Variants in C11orf21 observed in about 807,000 individuals in gnomAD.
C11orf21 encodes the protein uncharacterized protein C11orf21.
In C11orf21, 19 loss-of-function variants were observed where a neutral mutation model predicts 15.2. The observed-to-expected ratio is 1.25, with a 90% confidence interval of 0.87 to 1.84. The LOEUF (loss-of-function observed/expected upper bound fraction) is 1.84. Ranked by LOEUF, C11orf21 falls within the 40% of genes most tolerant of loss-of-function variation. C11orf21 has a pLI of 0.00. For synonymous variants in C11orf21, 62 were observed against 66.8 expected, an observed-to-expected ratio of 0.93 and a Z score of 0.35; for missense variants, 171 against 174.4, an observed-to-expected ratio of 0.98 and a Z score of 0.11.
At chr11:2,302,825 G>T (rs760451307), upstream of C11orf21, 1 of 1,607,386 alleles carries the variant, frequency 6.2e-7, no homozygotes, top group East Asian at 2.2e-5. Context: ...CCCACACTCT[G>T]AGTCTGCCCT....
chr11:2,299,846 G>A (rs1473733783), intron 2 of C11orf21, 139 bp from the exon 3 acceptor site: 28 of 442,408 alleles, frequency 6.3e-5, no homozygotes, highest in Admixed American at 4.0e-4. Context: ...ACGCATCCAC[G>A]CCTGCACACG....
intron 2 of C11orf21, 57 bp downstream of exon 2, chr11:2,300,463 T>C: frequency 3.6e-6 from 4 of 1,123,378 alleles, no homozygotes; most frequent in Non-Finnish European, 5.1e-6. Flanking sequence ...GGCGTGGGGG[T>C]TCCACCGGCT....
upstream of C11orf21, chr11:2,302,596 G>A: frequency 1.8e-6 from 1 of 567,190 alleles, no homozygotes. Context: ...CAGAGGTCCT[G>A]GGTGTCTGGG....
intron 1 of C11orf21, 76 bp from the exon 2 acceptor site, chr11:2,300,689 G>A (rs1847697642): frequency 6.5e-7 from 1 of 1,550,122 alleles, no homozygotes; most frequent in Non-Finnish European, 8.7e-7. Context: ...CAGACCTGAT[G>A]AAGAGGTGTC....
upstream of C11orf21, chr11:2,302,882 C>A: frequency 4.3e-6 from 7 of 1,613,682 alleles, no homozygotes; most frequent in Non-Finnish European, 5.9e-6. Context: ...TGACTCTTAC[C>A]TACTTCGGGG....
chr11:2,299,865 C>A (rs2521269), intron 2 of C11orf21, among the ~76,000 whole-genome samples, 158 bp from the exon 3 acceptor site: 87,490 of 143,402 alleles, frequency 0.61, 26,936 homozygotes, highest in African/African-American at 0.8. Context: ...CGCATCCATG[C>A]CTGCACATGC....
chr11:2,298,009 C>T (rs1435471478), intron 3 of C11orf21, 88 bp from the exon 4 acceptor site: 2 of 152,162 alleles, frequency 1.3e-5, no homozygotes, highest in Non-Finnish European at 2.9e-5. Context: ...GGACCAGGGA[C>T]CTTCATGTCC....
rs930313290 is a variant in C11orf21 at position 2,296,454 on chromosome 11, T to C, written c.*1496A>G. On this transcript the variant is annotated 3_prime_UTR_variant, in exon 4 of 4. Coordinates refer to ENST00000381153, the MANE Select transcript of C11orf21 (RefSeq NM_001329958.2). This position sits in a 1 kb window ranked among gnomAD's most constrained non-coding sequence, Gnocchi z 5.6. Reference sequence around the variant, plus strand: ...CTATTAGATCCGATGGGTGTTTGTGTCCCCAGGAGTGGGTGTCAGGTTAGA... The same window carrying C: ...CTATTAGATCCGATGGGTGTTTGTGCCCCCAGGAGTGGGTGTCAGGTTAGA... The C allele has an allele frequency of 2.0e-5, 3 of 152,162 alleles. No homozygotes were observed. The highest frequency in any genetic ancestry group is 4.4e-5 in the Non-Finnish European group (3 of 68,060). The allele number at this position is 152,162 out of a possible 1,614,324, so 9.4% of individuals were successfully genotyped here.
At chr11:2,302,061 G>T (rs375443053), upstream of C11orf21, 893 of 1,496,098 alleles carry the variant, frequency 6.0e-4, 2 homozygotes, top group Middle Eastern at 0.017. Context: ...CCTACCTCCT[G>T]GGCAGTGAGC....
At chr11:2,298,376 C>G (rs1847579910) in intron 3 of C11orf21, among the ~76,000 whole-genome samples, 1 of 152,158 alleles carries the variant, frequency 6.6e-6, no homozygotes. Context: ...GCTCACTGCC[C>G]CAGCTGGTCA....
intron 2 of C11orf21, among the ~76,000 whole-genome samples, chr11:2,300,042 C>A (rs1242106478): frequency 7.0e-6 from 1 of 143,464 alleles, no homozygotes; most frequent in South Asian, 2.3e-4. Flanking sequence ...GTCTTCCAGG[C>A]TCCCAGCGGC....
chr11:2,302,888 CG>C (rs750786852), upstream of C11orf21: 1 of 1,613,694 alleles, frequency 6.2e-7, no homozygotes, highest in Admixed American at 1.7e-5. Context: ...TTACCTACTT[CG>C]GGGCCCACTT....
At chr11:2,301,985 C>T, upstream of C11orf21, 2 of 1,491,662 alleles carry the variant, frequency 1.3e-6, no homozygotes, top group Non-Finnish European at 1.8e-6. Context: ...GCCTGCCCTT[C>T]TTCCGGGGCA....
intron 2 of C11orf21, 128 bp from the exon 3 acceptor site, chr11:2,299,835 C>T (rs1312649734): frequency 3.2e-5 from 15 of 474,020 alleles, no homozygotes; most frequent in Non-Finnish European, 4.9e-5. Flanking sequence ...CACGTCTGCA[C>T]ACGCATCCAC....
At chr11:2,303,040 C>T, upstream of C11orf21, 2 of 1,296,670 alleles carry the variant, frequency 1.5e-6, no homozygotes, top group South Asian at 1.3e-5. Context: ...GGACGCCTCA[C>T]AGCCAGAATG....
At chr11:2,301,665 A>T in intron 1 of C11orf21, 91 bp downstream of exon 1, 1 of 1,022,660 alleles carries the variant, frequency 9.8e-7, no homozygotes, top group South Asian at 1.6e-5. Flanking sequence ...CTCAATAATG[A>T]TGTTCCAAGG....
At chr11:2,302,094 G>A (rs762904620), upstream of C11orf21, 2 of 1,487,336 alleles carry the variant, frequency 1.3e-6, no homozygotes, top group South Asian at 1.4e-5. Flanking sequence ...CCCCTGCCCA[G>A]CTGGAAACCA....
At chr11:2,300,912 A>C in intron 1 of C11orf21, 1 of 721,398 alleles carries the variant, frequency 1.4e-6, no homozygotes. Context: ...CCTGCGCCCC[A>C]GTCTGAGCCA....
upstream of C11orf21, chr11:2,302,784 C>A: frequency 6.9e-7 from 1 of 1,451,754 alleles, no homozygotes; most frequent in Non-Finnish European, 9.6e-7. Context: ...CCGCTGGGGC[C>A]GAGCTCCCTG....
Sources: allele counts gnomAD v4.1 joint callset (sites outside exome capture counted in the v4.1 genomes callset), GRCh38; gene constraint gnomAD v4.1.1; non-coding constraint Gnocchi (gnomAD v3.1); transcripts MANE v1.5; gene names NCBI Gene and HGNC (gene_info 2026-07-23, HGNC 2026-07-21).